Variants in INPP4B observed in about 807,000 individuals in gnomAD.
The protein encoded by INPP4B is inositol polyphosphate 4-phosphatase type II.
INPP4B carries 55 observed loss-of-function variants against 122.5 expected under a neutral mutation model. The observed-to-expected ratio is 0.45, with a 90% CI of 0.36 to 0.56. The LOEUF (loss-of-function observed/expected upper bound fraction) is 0.56, where lower values mean the gene tolerates loss of function less well. Ranked by LOEUF, INPP4B falls within the 20% of genes least tolerant of loss-of-function variation. INPP4B has a pLI of 0.00. For missense variants in INPP4B, 1,000 were observed against 1,097.7 expected, an observed-to-expected ratio of 0.91 and a Z score of 1.26; for synonymous variants, 403 against 388.7, an observed-to-expected ratio of 1.04 and a Z score of -0.43.
chr4:142,522,635 T>C (rs1826250000), intron 2 of INPP4B, among the ~76,000 whole-genome samples: 1 of 152,036 alleles, frequency 6.6e-6, no homozygotes, highest in South Asian at 2.1e-4. Flanking sequence ...GACGGTTTAC[T>C]ATATCACCTG....
At position 142,028,433 on chromosome 4, in the gene INPP4B, C is replaced by G. The variant is rs991660855; in HGVS notation, c.*349G>C. The G allele has an allele frequency of 4.0e-6, 1 of 251,686 alleles. No individual in the cohort carries two copies. Among genetic ancestry groups the G allele is most frequent in the African/African-American group, 2.2e-5 (1 of 45,810 alleles). The allele number at this position is 251,686 out of a possible 1,614,324, so 15.6% of individuals were successfully genotyped here. ...TTCCATTTGGTTGGAGAGTGGTGCTCTGTGAATCACCCCTAGTCCTATTGA... is the reference window on the plus strand; with the variant it reads ...TTCCATTTGGTTGGAGAGTGGTGCTGTGTGAATCACCCCTAGTCCTATTGA... On this transcript the variant is annotated 3_prime_UTR_variant, in exon 26 of 26. Coordinates refer to ENST00000262992, the MANE Select transcript of INPP4B (RefSeq NM_001101669.3).
At chr4:142,142,483 C>G (rs1579058825) in intron 18 of INPP4B, among the ~76,000 whole-genome samples, 1 of 152,032 alleles carries the variant, frequency 6.6e-6, no homozygotes, top group African/African-American at 2.4e-5. Flanking sequence ...TAAAATGAAA[C>G]CAGGTTTCTT....
chr4:142,830,796 T>C (rs187533979), intron 1 of INPP4B, among the ~76,000 whole-genome samples: 1 of 150,434 alleles, frequency 6.6e-6, no homozygotes, highest in Non-Finnish European at 1.5e-5. Flanking sequence ...GGAGGATTTC[T>C]TGAGCCCAGG....
Position 142,028,496 on chromosome 4 carries a change from T to C in INPP4B, c.*286A>G, listed in dbSNP as rs1737747693. Reference sequence around the variant, plus strand: ...TTCCTCAGAAACATTTAAATACTCATGAATGAAATTTACACTTTGTGAACC... The same window carrying C: ...TTCCTCAGAAACATTTAAATACTCACGAATGAAATTTACACTTTGTGAACC... On this transcript the variant is annotated 3_prime_UTR_variant, in exon 26 of 26. Transcript: ENST00000262992. The C allele has an allele frequency of 8.2e-6, 3 of 367,550 alleles. No homozygotes were observed. The East Asian group carries it at 1.3e-4, about 16-fold the overall frequency. The allele number at this position is 367,550 out of a possible 1,614,324, so 22.8% of individuals were successfully genotyped here.
chr4:142,116,204 A>G (rs1429889446), intron 21 of INPP4B, among the ~76,000 whole-genome samples: 1 of 152,148 alleles, frequency 6.6e-6, no homozygotes, highest in Admixed American at 6.5e-5. Flanking sequence ...CACCCACACA[A>G]TAATAATGGG....
chr4:142,337,742 ATAT>A (rs913598205), intron 7 of INPP4B, among the ~76,000 whole-genome samples: 12 of 127,322 alleles, frequency 9.4e-5, no homozygotes, highest in African/African-American at 3.1e-4. Flanking sequence ...ATATTTATAT[ATAT>A]TATATATTTT....
intron 12 of INPP4B, among the ~76,000 whole-genome samples, chr4:142,217,728 G>A (rs2149658975): frequency 6.6e-6 from 1 of 152,278 alleles, no homozygotes; most frequent in African/African-American, 2.4e-5. Context: ...ATTTTTGAGG[G>A]AGATTAACAT....
chr4:142,753,735 T>C (rs1770082725), intron 1 of INPP4B, among the ~76,000 whole-genome samples: 1 of 152,044 alleles, frequency 6.6e-6, no homozygotes, highest in Admixed American at 6.6e-5. Context: ...AAATAAATTG[T>C]TTTCCCTCCT....
chr4:142,481,027 C>T (rs370404887), intron 2 of INPP4B, among the ~76,000 whole-genome samples: 33 of 149,698 alleles, frequency 2.2e-4, no homozygotes, highest in African/African-American at 7.6e-4. Context: ...CCCAGCTACT[C>T]GGGAGGCTGA....
In INPP4B at chr4:142,595,368, A is replaced by C. The variant is rs145878812; in HGVS notation, c.-191+130471T>G. ...CCAATTAATATATTAATGACAGAGG[A>C]CCTAGAATGGTGGAATTTTTAAAAT... is the stretch of plus-strand genomic sequence containing the variant. On this transcript the variant is annotated intron_variant, in intron 2 of 25. Transcript: ENST00000262992. 2.7e-3 allele frequency among the ~76,000 whole-genome samples: 408 copies of C among 152,128 alleles called. 6 individuals are homozygous for C. The highest frequency in any genetic ancestry group is 0.018 in the East Asian group (95 of 5,160).
At chr4:142,637,174 T>C (rs1749336524) in intron 2 of INPP4B, among the ~76,000 whole-genome samples, 1 of 152,220 alleles carries the variant, frequency 6.6e-6, no homozygotes, top group African/African-American at 2.4e-5. Flanking sequence ...TTTGTTAGAA[T>C]GGATGAACCT....
At chr4:142,600,307 G>A (rs180854606) in intron 2 of INPP4B, among the ~76,000 whole-genome samples, 77 of 152,254 alleles carry the variant, frequency 5.1e-4, no homozygotes, top group African/African-American at 1.8e-3. Flanking sequence ...GGACAGGAGA[G>A]AATGGGAGGA....
intron 25 of INPP4B, among the ~76,000 whole-genome samples, chr4:142,046,030 C>T (rs2152362231): frequency 6.6e-6 from 1 of 150,636 alleles, no homozygotes; most frequent in South Asian, 2.1e-4. Flanking sequence ...AAAGAAGGAG[C>T]ATTTTCAACA....
rs139998169 is a variant in INPP4B, at chr4:142,718,284, A to C, written c.-191+7555T>G. Among the ~76,000 whole-genome samples the C allele has an allele frequency of 9.3e-3, 1,410 of 152,348 alleles. 12 individuals are homozygous for C. The highest frequency in any genetic ancestry group is 0.013 in the Non-Finnish European group (917 of 68,034). ...AAATGAACATGTTGAGAAGAAATGCACTGATACATATAGAAATGGAAGTTA... is the reference window on the plus strand; with the variant it reads ...AAATGAACATGTTGAGAAGAAATGCCCTGATACATATAGAAATGGAAGTTA... On this transcript the variant is annotated intron_variant, in intron 2 of 25. Coordinates refer to ENST00000262992, the MANE Select transcript of INPP4B (RefSeq NM_001101669.3).
At chr4:142,045,255 CAT>C (rs1750683519) in intron 25 of INPP4B, among the ~76,000 whole-genome samples, 1 of 152,126 alleles carries the variant, frequency 6.6e-6, no homozygotes, top group Admixed American at 6.6e-5. Context: ...TTCCAATGAA[CAT>C]ATACACAAAC....
chr4:142,124,628 A>C lies in INPP4B; in HGVS notation c.1853T>G (p.Leu618Arg). 1 of 1,613,544 alleles carries C rather than the reference A, an allele frequency of 6.2e-7. No individual in the cohort carries two copies. Among genetic ancestry groups the C allele is most frequent in the South Asian group, 1.1e-5 (1 of 91,072 alleles). Residue 618 changes from leucine (L) to arginine (R), a missense_variant, in exon 19 of 26, where the codon CTG (leucine) becomes CGG (arginine). By Grantham distance (102) the Leu-to-Arg change is moderately radical. Transcript: ENST00000262992. ...GATGTCTCTTCTTAGCGTCAGCATC[A>C]GACACTGGGGCAAGCTGTACGCAAG... ...QELAYSLPQC[L>R]MLTLRRDIVF...
chr4:142,773,612 T>C (rs1446027756), intron 1 of INPP4B, among the ~76,000 whole-genome samples: 2 of 152,216 alleles, frequency 1.3e-5, no homozygotes, highest in African/African-American at 2.4e-5. Context: ...TTCAATGCAA[T>C]ACACTTCTTA....
chr4:142,737,902 C>T (rs983967534), intron 1 of INPP4B, among the ~76,000 whole-genome samples: 15 of 152,152 alleles, frequency 9.9e-5, no homozygotes, highest in South Asian at 4.1e-4. Flanking sequence ...ATCAAAACCA[C>T]GATGAGATAC....
intron 2 of INPP4B, among the ~76,000 whole-genome samples, chr4:142,655,526 C>T (rs1455616699): frequency 2.0e-5 from 3 of 152,198 alleles, no homozygotes; most frequent in South Asian, 2.1e-4. Context: ...AAGTGCTTTT[C>T]AGGCACCTGA....
Sources: gnomAD v4.1 joint callset for allele counts (sites outside exome capture counted in the v4.1 genomes callset) on GRCh38, gnomAD v4.1.1 for gene constraint, MANE v1.5 for transcripts, NCBI Gene and HGNC (gene_info 2026-07-23, HGNC 2026-07-21) for gene names.